The following TNFSF8 variants were observed in gnomAD, a reference collection of about 807,000 sequenced individuals.
TNFSF8 encodes TNF superfamily member 8.
TNFSF8 carries 4 observed loss-of-function variants against 22.0 expected under a neutral mutation model. That is an observed-to-expected ratio of 0.18 (90% CI 0.09 to 0.42). TNFSF8 has a LOEUF of 0.42. Ranked by LOEUF, TNFSF8 falls within the 10% of genes least tolerant of loss-of-function variation. TNFSF8 has a pLI of 1.00. For synonymous variants in TNFSF8, 106 were observed against 112.5 expected, an observed-to-expected ratio of 0.94 and a Z score of 0.37; for missense variants, 233 against 281.8, an observed-to-expected ratio of 0.83 and a Z score of 1.24.
intron 4 of TNFSF8, chr9:114,894,216 A>G: frequency 6.9e-7 from 1 of 1,452,904 alleles, no homozygotes; most frequent in Admixed American, 2.0e-5. Flanking sequence ...GAGATGTGAT[A>G]CATTTTGACG....
At chr9:114,914,445 T>C (rs1212491348) in intron 2 of TNFSF8, among the ~76,000 whole-genome samples, 2 of 152,170 alleles carry the variant, frequency 1.3e-5, no homozygotes, top group Non-Finnish European at 2.9e-5. Context: ...CCAGAAACCA[T>C]GTGCAGACAT....
At chr9:114,928,166 CTT>C (rs1347521882) in intron 1 of TNFSF8, among the ~76,000 whole-genome samples, 3 of 152,118 alleles carry the variant, frequency 2.0e-5, no homozygotes, top group Non-Finnish European at 4.4e-5. Flanking sequence ...CACAGTGAAT[CTT>C]TTCATATCCA....
chr9:114,917,169 C>T (rs1009725792), intron 2 of TNFSF8, among the ~76,000 whole-genome samples: 1 of 152,192 alleles, frequency 6.6e-6, no homozygotes, highest in African/African-American at 2.4e-5. Flanking sequence ...GTCCTCTGGT[C>T]TCAAGGACAC....
intron 2 of TNFSF8, among the ~76,000 whole-genome samples, chr9:114,914,238 T>C (rs12352646): frequency 0.56 from 85,614 of 152,020 alleles, 25,807 homozygotes; most frequent in African/African-American, 0.77. Flanking sequence ...ATAGCTGAGG[T>C]CTTGCAAGAA....
intron 1 of TNFSF8, among the ~76,000 whole-genome samples, chr9:114,926,226 A>C (rs1222007055): frequency 1.3e-5 from 2 of 152,160 alleles, no homozygotes; most frequent in African/African-American, 4.8e-5. Context: ...GCGAAAATGC[A>C]CATTCCTCCT....
At chr9:114,928,616 A>G (rs566463706) in intron 1 of TNFSF8, among the ~76,000 whole-genome samples, 1 of 152,232 alleles carries the variant, frequency 6.6e-6, no homozygotes, top group African/African-American at 2.4e-5. Flanking sequence ...CCATTGCTAT[A>G]AAATGACATA....
rs1423259398 is a variant in TNFSF8, at chr9:114,894,098, A to C, written c.476T>G (p.Leu159Arg). 5.2e-6 allele frequency: 8 copies of C among 1,535,324 alleles called. No individual in the cohort carries two copies. The East Asian group carries it at 7.3e-5, about 14-fold the overall frequency. Residue 159 changes from leucine to arginine, a missense_variant, in exon 5 of 5, where the codon CTT (leucine) becomes CGT (arginine). Physicochemically the swap from Leu to Arg is moderately radical, Grantham distance 102. Transcript: ENST00000618336. ...CAAGGTTCAGGGTTGTAGAGTTTCA[A>C]GGCAGCAGTGTCCCTTCCCAGAGTC...
intron 1 of TNFSF8, among the ~76,000 whole-genome samples, chr9:114,926,019 GATTA>G (rs1473333734): frequency 4.6e-5 from 7 of 152,158 alleles, no homozygotes; most frequent in African/African-American, 1.7e-4. Context: ...TGCTTTGCTA[GATTA>G]ATTGTGTGAA....
rs1353415843 is a variant in TNFSF8, at chr9:114,930,292, C to T, written c.12G>A (p.Gly4=). The change falls in exon 1 of 4, where the codon GGG becomes GGA. Residue 4 remains glycine, a synonymous_variant. Coordinates refer to ENST00000223795, the MANE Select transcript of TNFSF8 (RefSeq NM_001244.4). MDP[G]LQQALNGMAP... ...CCATTCCGTTGAGTGCTTGCTGCAG[C>T]CCTGGGTCCATTCTTTATATAGTCT... is the stretch of plus-strand genomic sequence containing the variant. The T allele has an allele frequency of 6.3e-7, 1 of 1,576,252 alleles. No individual in the cohort carries two copies. Among genetic ancestry groups the T allele is most frequent in the Middle Eastern group, 1.9e-4 (1 of 5,360 alleles).
chr9:114,919,009 A>G (rs2131347567), intron 1 of TNFSF8, among the ~76,000 whole-genome samples: 1 of 147,844 alleles, frequency 6.8e-6, no homozygotes, highest in South Asian at 2.1e-4. Flanking sequence ...GTATATCATA[A>G]AAGTAGATGT....
chr9:114,905,938 C>A (rs377707143), intron 2 of TNFSF8, 39 bp from the exon 3 acceptor site: 1 of 1,429,154 alleles, frequency 7.0e-7, no homozygotes, highest in South Asian at 1.2e-5. Context: ...TGTCTTTTGC[C>A]GTTTTGGGAT....
chr9:114,901,913 G>A lies in TNFSF8; in HGVS notation c.*2018C>T. 1 of 977,566 alleles carries A rather than the reference G, an allele frequency of 1.0e-6. No homozygotes were observed. The highest frequency in any genetic ancestry group is 1.2e-6 in the Non-Finnish European group (1 of 822,838). The allele number at this position is 977,566 out of a possible 1,614,324, so 60.6% of individuals were successfully genotyped here. A position where few individuals can be genotyped will look rare whatever the true frequency, so the allele number is the denominator to read the frequency against. Reference sequence around the variant, plus strand: ...CCCTTTCATCCATACCACCACTGCTGATTTGTTCTTTCTTTTTTTCTTTTA... The same window carrying A: ...CCCTTTCATCCATACCACCACTGCTAATTTGTTCTTTCTTTTTTTCTTTTA... On this transcript the variant is annotated 3_prime_UTR_variant, in exon 4 of 4. Transcript: ENST00000223795.
Position 114,902,229 on chromosome 9 carries a change from C to T in TNFSF8, c.*1702G>A, listed in dbSNP as rs989530787. On this transcript the variant is annotated 3_prime_UTR_variant, in exon 4 of 4. Coordinates refer to ENST00000223795, the MANE Select transcript of TNFSF8 (RefSeq NM_001244.4). Reference sequence around the variant, plus strand: ...GAGAGGTTGCTGTTTCTCAGAAGTCCTCCTCCCCACTTCCAGGGTCATCAT... The same window carrying T: ...GAGAGGTTGCTGTTTCTCAGAAGTCTTCCTCCCCACTTCCAGGGTCATCAT... The T allele has an allele frequency of 1.0e-6, 1 of 985,364 alleles. No homozygotes were observed. The highest frequency in any genetic ancestry group is 1.2e-6 in the Non-Finnish European group (1 of 829,916). 61.0% of individuals were successfully genotyped at this position (985,364 alleles called of 1,614,324 possible).
chr9:114,930,440 T>C lies in TNFSF8; in HGVS notation c.-137A>G, dbSNP rs1240953663. 4.6e-6 allele frequency: 3 copies of C among 649,392 alleles called. No individual in the cohort carries two copies. Among genetic ancestry groups the C allele is most frequent in the Non-Finnish European group, 6.8e-6 (3 of 441,158 alleles). 40.2% of individuals were successfully genotyped at this position (649,392 alleles called of 1,614,324 possible). A position where few individuals can be genotyped will look rare whatever the true frequency, so the allele number is the denominator to read the frequency against. On this transcript the variant is annotated 5_prime_UTR_variant, in exon 1 of 4. Transcript: ENST00000223795. Reference sequence around the variant, plus strand: ...TGGAAAAAAACCTTCACCTGCTGCCTGGTGGAGAAACTCTTCTCTGGGGGC... The same window carrying C: ...TGGAAAAAAACCTTCACCTGCTGCCCGGTGGAGAAACTCTTCTCTGGGGGC...
In TNFSF8 at chr9:114,909,697, C is replaced by T. The variant is rs184326893; in HGVS notation, c.239-3798G>A. Among the ~76,000 whole-genome samples the T allele has an allele frequency of 2.8e-4, 43 of 152,202 alleles. 1 individual carries two copies. The highest frequency in any genetic ancestry group is 8.7e-4 in the African/African-American group (36 of 41,532). ...GGTGGGAAGGTTTGGGATGGGGAGT[C>T]GGTCCCAGCTGCACCTGTCTATCTT... On this transcript the variant is annotated intron_variant, in intron 2 of 3. Transcript: ENST00000223795.
chr9:114,926,543 C>G (rs899435750), intron 1 of TNFSF8, among the ~76,000 whole-genome samples: 2 of 152,220 alleles, frequency 1.3e-5, no homozygotes. Context: ...ATTGATGTCT[C>G]TCACCAGGCA....
exon 5 of TNFSF8, chr9:114,893,895 T>C: frequency 1.8e-6 from 1 of 561,004 alleles, no homozygotes; most frequent in South Asian, 2.2e-5. Context: ...CCAGGAAGTA[T>C]TGGGCCACGA....
chr9:114,919,753 G>A (rs1336932698), intron 1 of TNFSF8, among the ~76,000 whole-genome samples: 1 of 152,184 alleles, frequency 6.6e-6, no homozygotes, highest in Non-Finnish European at 1.5e-5. Context: ...ATGAACACTA[G>A]GACCATCTGG....
rs1827719714 is a variant in TNFSF8, at chr9:114,901,821, G to A, written c.*2110C>T. The A allele has an allele frequency of 3.1e-6, 3 of 962,734 alleles. No individual in the cohort carries two copies. Among genetic ancestry groups the A allele is most frequent in the Non-Finnish European group, 3.7e-6 (3 of 809,426 alleles). The allele number at this position is 962,734 out of a possible 1,614,324, so 59.6% of individuals were successfully genotyped here. A position where few individuals can be genotyped will look rare whatever the true frequency, so the allele number is the denominator to read the frequency against. The stretch of plus-strand genomic sequence containing the variant: ...TTTCATAGAGGAGACCTAGGAGGAG[G>A]TTGACACAGCACACTGCTCAGCAGA... On this transcript the variant is annotated 3_prime_UTR_variant, in exon 4 of 4. Coordinates refer to ENST00000223795, the MANE Select transcript of TNFSF8 (RefSeq NM_001244.4).
Sources: gnomAD v4.1 joint callset for allele counts (sites outside exome capture counted in the v4.1 genomes callset) on GRCh38, gnomAD v4.1.1 for gene constraint, MANE v1.5 for transcripts, NCBI Gene and HGNC (gene_info 2026-07-23, HGNC 2026-07-21) for gene names.